The following THRB variants were observed in gnomAD, a reference collection of about 807,000 sequenced individuals.
THRB encodes the protein nuclear receptor subfamily 1 group A member 2.
In THRB, 12 loss-of-function variants were observed where a neutral mutation model predicts 47.8. That is an observed-to-expected ratio of 0.25 (90% confidence interval 0.16 to 0.41). The LOEUF (loss-of-function observed/expected upper bound fraction) is 0.41. Among genes scored for constraint, THRB ranks in the 10% least tolerant of loss-of-function variants. The probability of loss-of-function intolerance (pLI) is 1.00; values close to 1 mark genes in which losing one functional copy is unlikely to be tolerated. For missense variants in THRB, 348 were observed against 589.2 expected, an observed-to-expected ratio of 0.59 and a Z score of 4.24; for synonymous variants, 218 against 212.2, an observed-to-expected ratio of 1.03 and a Z score of -0.24.
intron 1 of THRB, among the ~76,000 whole-genome samples, chr3:24,367,676 T>C (rs113603796): frequency 3.7e-4 from 57 of 152,318 alleles, no homozygotes; most frequent in African/African-American, 1.3e-3. Context: ...TGCACTGTTG[T>C]AACATGCTTT....
chr3:24,384,778 C>T, intron 1 of THRB, among the ~76,000 whole-genome samples: 1 of 152,094 alleles, frequency 6.6e-6, no homozygotes, highest in East Asian at 1.9e-4. Context: ...GATATGGAAA[C>T]ATTGTACTTA....
In THRB at chr3:24,368,110, TC is replaced by T. The variant is rs537277682; in HGVS notation, c.-260-30740del. Among the ~76,000 whole-genome samples, 40 of 152,262 alleles carry T rather than the reference TC, an allele frequency of 2.6e-4. 1 individual carries two copies. Among genetic ancestry groups the T allele is most frequent in the Admixed American group, 2.2e-3 (33 of 15,284 alleles). ...ATTATTTTATGATTTATAAACTCTTTCCCCTTATCTTATCCAATTTAATCCT... is the reference window on the plus strand; with the variant it reads ...ATTATTTTATGATTTATAAACTCTTTCCCTTATCTTATCCAATTTAATCCT... On this transcript the variant is annotated intron_variant, in intron 1 of 10. Coordinates refer to ENST00000646209, the MANE Select transcript of THRB (RefSeq NM_001354712.2).
chr3:24,399,478 T>C (rs1241850671), intron 1 of THRB, among the ~76,000 whole-genome samples: 1 of 151,982 alleles, frequency 6.6e-6, no homozygotes, highest in Non-Finnish European at 1.5e-5. Flanking sequence ...TAATGAGAAT[T>C]GTAAGATGGT....
At chr3:24,235,878 T>C (rs2048809872) in intron 3 of THRB, among the ~76,000 whole-genome samples, 1 of 152,130 alleles carries the variant, frequency 6.6e-6, no homozygotes, top group South Asian at 2.1e-4. Context: ...TGTGTTTAGG[T>C]AGCAAGCAAC....
chr3:24,143,919 T>G lies in THRB; in HGVS notation c.533-213A>C, dbSNP rs77251709. On this transcript the variant is annotated intron_variant, in intron 7 of 10. Coordinates refer to ENST00000646209, the MANE Select transcript of THRB (RefSeq NM_001354712.2). Reference sequence around the variant, plus strand: ...ATGGTCTCTAGAGCCAAACTCCCCATGACCGGCCAGCTTTTCAAAACAAAG... The same window carrying G: ...ATGGTCTCTAGAGCCAAACTCCCCAGGACCGGCCAGCTTTTCAAAACAAAG... 4,120 of 598,120 alleles carry G rather than the reference T, an allele frequency of 6.9e-3. 123 individuals are homozygous for G. Among genetic ancestry groups the G allele is most frequent in the African/African-American group, 0.064 (3,458 of 53,948 alleles). The allele number at this position is 598,120 out of a possible 1,614,324, so 37.1% of individuals were successfully genotyped here.
chr3:24,416,379 G>A (rs2150232203), intron 1 of THRB, among the ~76,000 whole-genome samples: 1 of 151,874 alleles, frequency 6.6e-6, no homozygotes, highest in East Asian at 2.0e-4. Context: ...ATATCTTCAA[G>A]GGCTCCAAGT....
At chr3:24,204,251 C>A (rs1194307271) in intron 4 of THRB, among the ~76,000 whole-genome samples, 1 of 152,356 alleles carries the variant, frequency 6.6e-6, no homozygotes, top group Non-Finnish European at 1.5e-5. Context: ...CGAGGCACCC[C>A]CCAGTAGGGG....
chr3:24,198,575 C>T (rs764371969), intron 4 of THRB, among the ~76,000 whole-genome samples: 3 of 151,190 alleles, frequency 2.0e-5, no homozygotes, highest in Non-Finnish European at 4.4e-5. Flanking sequence ...TCAATTTACA[C>T]GAACATTCTG....
intron 1 of THRB, among the ~76,000 whole-genome samples, chr3:24,411,082 T>C (rs1187323654): frequency 6.6e-6 from 1 of 151,804 alleles, no homozygotes; most frequent in Non-Finnish European, 1.5e-5. Context: ...CAGTGCAGTC[T>C]GCTGCTGTGA....
chr3:24,349,902 A>AATTAGATTATATTAT, intron 1 of THRB, among the ~76,000 whole-genome samples: 1 of 152,088 alleles, frequency 6.6e-6, no homozygotes, highest in Non-Finnish European at 1.5e-5. Flanking sequence ...GATTATATTA[A>AATTAGATTATATTAT]AATTAGGAAC....
intron 4 of THRB, among the ~76,000 whole-genome samples, chr3:24,212,856 T>G (rs2046201102): frequency 6.6e-6 from 1 of 152,162 alleles, no homozygotes; most frequent in Admixed American, 6.5e-5. Flanking sequence ...GTATCTAATT[T>G]GTCCTCAAGA....
intron 1 of THRB, among the ~76,000 whole-genome samples, chr3:24,491,806 T>C (rs1248046595): frequency 1.3e-5 from 2 of 152,210 alleles, no homozygotes; most frequent in African/African-American, 4.8e-5. Context: ...CTGGAACTCA[T>C]AAAGATTCTG....
At chr3:24,183,277 T>C (rs2042131239) in intron 5 of THRB, among the ~76,000 whole-genome samples, 1 of 152,004 alleles carries the variant, frequency 6.6e-6, no homozygotes, top group South Asian at 2.1e-4. Flanking sequence ...TTATCATTGT[T>C]TAGTCTCTCC....
At chr3:24,128,189 C>G (rs1468373836) in intron 9 of THRB, among the ~76,000 whole-genome samples, 1 of 152,186 alleles carries the variant, frequency 6.6e-6, no homozygotes, top group African/African-American at 2.4e-5. Context: ...TACTGTTTAG[C>G]TGGCAACTGG....
chr3:24,417,639 G>A lies in THRB; in HGVS notation c.-261+77013C>T, dbSNP rs546024413. On this transcript the variant is annotated intron_variant, in intron 1 of 10. Transcript: ENST00000646209. ...AAGCAACTGAGCCTTGGTGAACTTC[G>A]CACACGCTCTCATAAGAAAATGATT... Among the ~76,000 whole-genome samples the A allele has an allele frequency of 1.3e-4, 19 of 151,884 alleles. 1 individual carries two copies. The South Asian group carries it at 3.9e-3, about 31-fold the overall frequency.
chr3:24,269,277 C>CCACACA (rs4024153), intron 3 of THRB, among the ~76,000 whole-genome samples: 1,527 of 140,686 alleles, frequency 0.011, 25 homozygotes, highest in African/African-American at 0.031. Context: ...AATGGATACA[C>CCACACA]CACACACACA....
chr3:24,320,361 G>A (rs1299671898), intron 2 of THRB, among the ~76,000 whole-genome samples: 2 of 152,138 alleles, frequency 1.3e-5, no homozygotes, highest in East Asian at 3.9e-4. Context: ...TATCACGTGA[G>A]GAGCTGCAGA....
At chr3:24,271,113 G>A (rs530812339) in intron 3 of THRB, among the ~76,000 whole-genome samples, 2 of 152,086 alleles carry the variant, frequency 1.3e-5, no homozygotes, top group Admixed American at 1.3e-4. Context: ...TTTTCGTTGA[G>A]GATAGAAAGG....
intron 3 of THRB, among the ~76,000 whole-genome samples, chr3:24,264,921 G>A (rs1238800203): frequency 6.6e-6 from 1 of 152,102 alleles, no homozygotes; most frequent in African/African-American, 2.4e-5. Flanking sequence ...TGGGTGATGA[G>A]GTAAGCTAAT....
Sources: gnomAD v4.1 joint callset for allele counts (sites outside exome capture counted in the v4.1 genomes callset) on GRCh38, gnomAD v4.1.1 for gene constraint, MANE v1.5 for transcripts, NCBI Gene and HGNC (gene_info 2026-07-23, HGNC 2026-07-21) for gene names.